Variants in WDR12 observed in about 807,000 individuals in gnomAD.
The protein encoded by WDR12 is ribosome biogenesis protein WDR12.
A neutral mutation model predicts 64.3 loss-of-function variants in WDR12; 42 were observed. The ratio of observed to expected loss-of-function variants is 0.65; its 90% CI spans 0.51 to 0.84. The LOEUF is 0.84. Ranked by LOEUF, WDR12 falls within the 40% of genes least tolerant of loss-of-function variation. WDR12 has a pLI of 0.00. For missense variants in WDR12, 469 were observed against 494.6 expected, an observed-to-expected ratio of 0.95 and a Z score of 0.49; for synonymous variants, 158 against 173.3, an observed-to-expected ratio of 0.91 and a Z score of 0.70.
intron 7 of WDR12, 50 bp from the exon 8 acceptor site, chr2:202,892,752 G>A: frequency 7.5e-7 from 1 of 1,330,204 alleles, no homozygotes; most frequent in Non-Finnish European, 1.1e-6. Context: ...TATTAATCGT[G>A]AACTGTCTGA....
chr2:202,908,313 G>A (rs1473458335), intron 1 of WDR12, among the ~76,000 whole-genome samples: 1 of 152,220 alleles, frequency 6.6e-6, no homozygotes, highest in Non-Finnish European at 1.5e-5. Context: ...TGATTAGCCA[G>A]GCGTGGTGGC....
Position 202,879,338 on chromosome 2 carries a change from T to A in WDR12, c.*1522A>T, listed in dbSNP as rs1346319685. 1 of 152,078 alleles carries A rather than the reference T, an allele frequency of 6.6e-6. No individual in the cohort carries two copies. Among genetic ancestry groups the A allele is most frequent in the Non-Finnish European group, 1.5e-5 (1 of 68,016 alleles). 9.4% of individuals were successfully genotyped at this position (152,078 alleles called of 1,614,324 possible). A position where few individuals can be genotyped will look rare whatever the true frequency, so the allele number is the denominator to read the frequency against. ...GAGCCACCGTGCCCAACCAACTGTA[T>A]GCAATTTCTAAAGGATCTGACATAT... On this transcript the variant is annotated 3_prime_UTR_variant, in exon 13 of 13. Transcript: ENST00000261015.
At chr2:202,902,820 T>C (rs1296922322) in intron 2 of WDR12, among the ~76,000 whole-genome samples, 3 of 152,182 alleles carry the variant, frequency 2.0e-5, no homozygotes, top group Non-Finnish European at 4.4e-5. Context: ...CCCTCTCGGC[T>C]GTGCGCAGTG....
At chr2:202,903,506 AGGG>A in intron 2 of WDR12, among the ~76,000 whole-genome samples, 1 of 74,638 alleles carries the variant, frequency 1.3e-5, no homozygotes, top group African/African-American at 5.5e-5. Flanking sequence ...GAAGGAAGTG[AGGG>A]AGGGAGGGAG....
intron 2 of WDR12, among the ~76,000 whole-genome samples, chr2:202,907,141 G>A (rs1433113506): frequency 6.6e-6 from 1 of 152,006 alleles, no homozygotes; most frequent in Non-Finnish European, 1.5e-5. Flanking sequence ...TAGAGACGGG[G>A]TTTCACCATG....
intron 8 of WDR12, among the ~76,000 whole-genome samples, chr2:202,889,329 ACT>A (rs1688105621): frequency 1.3e-5 from 2 of 152,146 alleles, no homozygotes; most frequent in African/African-American, 4.8e-5. Flanking sequence ...TACATAAATA[ACT>A]CTTACAAATC....
At chr2:202,894,250 C>T (rs1272983088) in intron 7 of WDR12, among the ~76,000 whole-genome samples, 2 of 151,798 alleles carry the variant, frequency 1.3e-5, no homozygotes, top group Non-Finnish European at 2.9e-5. Flanking sequence ...GTTCTCACTC[C>T]ATCACCCTGG....
At chr2:202,910,590 A>G (rs1331589275) in intron 1 of WDR12, among the ~76,000 whole-genome samples, 1 of 152,236 alleles carries the variant, frequency 6.6e-6, no homozygotes, top group Non-Finnish European at 1.5e-5. Flanking sequence ...TTTAAGAAAA[A>G]CAAAAAAACC....
chr2:202,890,393 A>T (rs557630652), intron 8 of WDR12, among the ~76,000 whole-genome samples: 1 of 152,370 alleles, frequency 6.6e-6, no homozygotes, highest in South Asian at 2.1e-4. Flanking sequence ...GTTGAGAGGC[A>T]GGCTAGAGGC....
chr2:202,887,616 C>T (rs957167735), intron 8 of WDR12, among the ~76,000 whole-genome samples: 3 of 152,018 alleles, frequency 2.0e-5, no homozygotes, highest in South Asian at 2.1e-4. Context: ...AGGCCGGGCG[C>T]GGTGGCTCAC....
intron 1 of WDR12, among the ~76,000 whole-genome samples, chr2:202,910,743 G>A (rs536379154): frequency 6.6e-6 from 1 of 152,180 alleles, no homozygotes; most frequent in East Asian, 1.9e-4. Context: ...ACAACACAAG[G>A]GGAGAGAAGA....
chr2:202,899,419 T>G (rs1281755327), intron 4 of WDR12, 112 bp downstream of exon 4: 2 of 937,806 alleles, frequency 2.1e-6, no homozygotes, highest in Non-Finnish European at 3.1e-6. Flanking sequence ...GATCACAAAA[T>G]TAATTTACAA....
rs192137052 is a variant in WDR12, at chr2:202,892,510, G to A, written c.741+107C>T. 607 of 633,126 alleles carry A rather than the reference G, an allele frequency of 9.6e-4. 4 individuals carry two copies. In the Admixed American group the frequency reaches 0.016, roughly 17 times the overall value. The allele number at this position is 633,126 out of a possible 1,614,324, so 39.2% of individuals were successfully genotyped here. On this transcript the variant is annotated intron_variant, in intron 8 of 12. Transcript: ENST00000261015. The stretch of plus-strand genomic sequence containing the variant: ...AAAAAGGATAATCATGGTTAAAGCA[G>A]CAAGGTAAGACAGAAGGCAACATAA...
At chr2:202,895,317 T>C (rs1373977324) in intron 6 of WDR12, among the ~76,000 whole-genome samples, 1 of 152,194 alleles carries the variant, frequency 6.6e-6, no homozygotes, top group Non-Finnish European at 1.5e-5. Context: ...TTTTACCATT[T>C]TGTCATGATA....
intron 11 of WDR12, 118 bp downstream of exon 11, chr2:202,883,491 T>C (rs930085894): frequency 3.2e-6 from 4 of 1,263,252 alleles, no homozygotes; most frequent in African/African-American, 3.0e-5. Context: ...TCACATGAGG[T>C]TGCAAAACCA....
At position 202,879,598 on chromosome 2, in the gene WDR12, ATTTTT is replaced by A. The variant is rs746533318; in HGVS notation, c.*1257_*1261del. On this transcript the variant is annotated 3_prime_UTR_variant, in exon 13 of 13. Transcript: ENST00000261015. Reference sequence around the variant, plus strand: ...ACCACACCCGGCTAATTTGTTTTGGATTTTTTTTTTTTTAGTAGAGACAAAGTTTC... The same window carrying A: ...ACCACACCCGGCTAATTTGTTTTGGATTTTTTTTAGTAGAGACAAAGTTTC... 1 of 139,438 alleles carries A rather than the reference ATTTTT, an allele frequency of 7.2e-6. No individual in the cohort carries two copies. 8.6% of individuals were successfully genotyped at this position (139,438 alleles called of 1,614,324 possible).
rs187539575 is a variant in WDR12 at position 202,882,617 on chromosome 2, T to C, written c.1194+94A>G. On this transcript the variant is annotated intron_variant, in intron 12 of 12. Transcript: ENST00000261015. ...TGCTGCGATTACAGGCGTGAGCCAC[T>C]GCACCCGGCCCGAAACTAATACATT... 6,789 of 1,335,130 alleles carry C rather than the reference T, an allele frequency of 5.1e-3. 21 individuals carry two copies. Among genetic ancestry groups the C allele is most frequent in the Non-Finnish European group, 6.1e-3 (5,689 of 939,716 alleles). The allele number at this position is 1,335,130 out of a possible 1,614,324, so 82.7% of individuals were successfully genotyped here.
intron 2 of WDR12, among the ~76,000 whole-genome samples, chr2:202,906,205 A>G (rs1688454143): frequency 6.6e-6 from 1 of 152,232 alleles, no homozygotes; most frequent in Admixed American, 6.5e-5. Context: ...AGACTTGTTC[A>G]ACAAATAGAC....
At chr2:202,887,660 G>GC (rs1688071526) in intron 8 of WDR12, among the ~76,000 whole-genome samples, 4 of 150,762 alleles carry the variant, frequency 2.7e-5, no homozygotes, top group Admixed American at 2.0e-4. Context: ...AGGCTGAGGC[G>GC]GGTGGATCAT....
Sources: gnomAD v4.1 joint callset for allele counts (sites outside exome capture counted in the v4.1 genomes callset) on GRCh38, gnomAD v4.1.1 for gene constraint, MANE v1.5 for transcripts, NCBI Gene and HGNC (gene_info 2026-07-23, HGNC 2026-07-21) for gene names.